The following DNAH2 variants were observed in gnomAD, a reference collection of about 807,000 sequenced individuals.
DNAH2 encodes dynein axonemal heavy chain 2, also known as axonemal beta dynein heavy chain 2.
DNAH2 carries 323 observed loss-of-function variants against 523.5 expected under a neutral mutation model. The observed-to-expected ratio is 0.62, with a 90% CI of 0.56 to 0.68. The LOEUF (loss-of-function observed/expected upper bound fraction) is 0.68, where lower values mean the gene tolerates loss of function less well. Among genes scored for constraint, DNAH2 ranks in the 30% least tolerant of loss-of-function variants. DNAH2 has a pLI of 0.00. For synonymous variants in DNAH2, 2,093 were observed against 2,177.4 expected (o/e 0.96, Z 1.08); for missense variants, 4,907 against 5,701.5 (o/e 0.86, Z 4.49).
rs772590554 is a variant in DNAH2, at chr17:7,765,494, C to T, written c.3440C>T (p.Thr1147Ile). The T allele has an allele frequency of 6.2e-7, 1 of 1,614,256 alleles. No homozygotes were observed. Among genetic ancestry groups the T allele is most frequent in the Non-Finnish European group, 8.5e-7 (1 of 1,180,052 alleles). Residue 1147 changes from threonine (T) to isoleucine (I), a missense_variant, in exon 21 of 86, where the codon ACA becomes ATA. Coordinates refer to ENST00000572933, the MANE Select transcript of DNAH2 (RefSeq NM_020877.5). The stretch of plus-strand genomic sequence containing the variant: ...AAGAAACACAAGGAGAAATTCAAGA[C>T]AGGCCTGATCCACTCGGCAGATGAC... ...MLKKHKEKFK[T>I]GLIHSADDFK... is the part of the protein sequence containing the mutation.
intron 32 of DNAH2, 75 bp downstream of exon 32, chr17:7,776,964 G>T: frequency 3.1e-6 from 4 of 1,270,406 alleles, no homozygotes; most frequent in Non-Finnish European, 4.5e-6. Context: ...GAGCCCACTC[G>T]CTTGAGCCCA....
intron 74 of DNAH2, 79 bp from the exon 75 acceptor site, chr17:7,823,755 C>T (rs546833724): frequency 5.4e-5 from 86 of 1,583,262 alleles, no homozygotes; most frequent in Non-Finnish European, 6.5e-5. Context: ...AGCACATTCC[C>T]GGCAGGTGCC....
In DNAH2 at chr17:7,832,869, C is replaced by T. The variant is rs755095691; in HGVS notation, c.12919C>T (p.Leu4307Phe). The T allele has an allele frequency of 6.2e-7, 1 of 1,614,118 alleles. No homozygotes were observed. ...ARQNNVSVDS[L>F]SWEFIVSTVD... ...CAACCCCCAGGTTTCAGTGGACAGCCTCTCCTGGGAGTTTATCGTTTCCAC... is the reference window on the plus strand; with the variant it reads ...CAACCCCCAGGTTTCAGTGGACAGCTTCTCCTGGGAGTTTATCGTTTCCAC... Residue 4307 changes from leucine (L) to phenylalanine (F), a missense_variant, in exon 84 of 86, where the codon CTC becomes TTC. Coordinates refer to ENST00000572933, the MANE Select transcript of DNAH2 (RefSeq NM_020877.5). This position sits in a 1 kb window ranked among gnomAD's most constrained non-coding sequence, Gnocchi z 4.3.
chr17:7,780,943 G>C lies in DNAH2; in HGVS notation c.6004-99G>C. ...CCGCTGCTTTGCTAATGGCTAACTG[G>C]TGTATCCATTGTTCTTGGCACGTGC... On this transcript the variant is annotated intron_variant, in intron 38 of 85. Transcript: ENST00000572933. This position sits in a 1 kb window ranked among gnomAD's most constrained non-coding sequence, Gnocchi z 4.4. 3 of 1,591,334 alleles carry C rather than the reference G, an allele frequency of 1.9e-6. No homozygotes were observed. Among genetic ancestry groups the C allele is most frequent in the Non-Finnish European group, 2.6e-6 (3 of 1,165,502 alleles).
intron 12 of DNAH2, among the ~76,000 whole-genome samples, chr17:7,755,503 CT>C (rs1009047352): frequency 1.3e-5 from 2 of 151,890 alleles, no homozygotes; most frequent in African/African-American, 4.8e-5. Flanking sequence ...ATACCAAGGT[CT>C]GTGGAGGAGG....
intron 2 of DNAH2, among the ~76,000 whole-genome samples, chr17:7,722,964 CTTTTTTTTTTTTT>C (rs559136734): frequency 8.7e-6 from 1 of 114,698 alleles, no homozygotes; most frequent in Non-Finnish European, 1.7e-5. Flanking sequence ...CTTTTCTTTC[CTTTTTTTTTTTTT>C]TTTTTTTTTG....
At chr17:7,817,136 A>G (rs112158977) in intron 64 of DNAH2, among the ~76,000 whole-genome samples, 154 bp from the exon 65 acceptor site, 36 of 152,322 alleles carry the variant, frequency 2.4e-4, no homozygotes, top group African/African-American at 8.7e-4. Flanking sequence ...AGTAATTAGA[A>G]CCAGGCTAGA....
Position 7,830,795 on chromosome 17 carries a change from C to T in DNAH2, c.12183C>T (p.Tyr4061=). The change falls in exon 79 of 86, where the codon TAC becomes TAT. Residue 4061 remains tyrosine (Y), a synonymous_variant. Transcript: ENST00000572933. ...GGGACCGGCGCCTGCTGACCACCTA[C>T]ATCAATGATTATTTCTGTGACCAGT... is the stretch of plus-strand genomic sequence containing the variant. ...DDWDRRLLTT[Y]INDYFCDQSL... The T allele has an allele frequency of 6.2e-7, 1 of 1,614,122 alleles. No individual in the cohort carries two copies. The highest frequency in any genetic ancestry group is 8.5e-7 in the Non-Finnish European group (1 of 1,180,046).
intron 3 of DNAH2, among the ~76,000 whole-genome samples, chr17:7,726,350 C>T (rs2074810649): frequency 6.7e-6 from 1 of 149,672 alleles, no homozygotes; most frequent in African/African-American, 2.5e-5. Context: ...GTTACCCAGG[C>T]TGGAGTGCAG....
intron 5 of DNAH2, 70 bp from the exon 6 acceptor site, chr17:7,734,113 A>G (rs2075070910): frequency 2.2e-6 from 3 of 1,372,998 alleles, no homozygotes; most frequent in East Asian, 5.0e-5. Flanking sequence ...CCGATCATCA[A>G]CCGTGATTCC....
intron 60 of DNAH2, 84 bp from the exon 61 acceptor site, chr17:7,805,168 A>G: frequency 6.3e-7 from 1 of 1,595,146 alleles, no homozygotes; most frequent in South Asian, 1.1e-5. Flanking sequence ...ACTCTGGGGA[A>G]GTGGGAAGAA....
At chr17:7,804,880 A>G in intron 59 of DNAH2, 78 bp from the exon 60 acceptor site, 5 of 1,289,074 alleles carry the variant, frequency 3.9e-6, no homozygotes, top group South Asian at 2.6e-5. Context: ...TTTCTCTTTC[A>G]TCTTTTCCAC....
At position 7,818,748 on chromosome 17, in the gene DNAH2, C is replaced by T; in HGVS notation, c.10642C>T (p.Leu3548Phe). ...CAACATCGCGGCTGGTAAAAGGAAG[C>T]TCAAGGAGCTGGAGGATGAGATCCT... The part of the protein sequence containing the change: ...VINIAAGKRK[L>F]KELEDEILRL... Residue 3548 changes from leucine to phenylalanine, a missense_variant, in exon 70 of 86, where the codon CTC (leucine) becomes TTC (phenylalanine). Leu to Phe is a conservative substitution (Grantham distance 22). This residue lies in a region of DNAH2 where 1,851 missense variants were observed against 2,139.4 expected (regional missense o/e 0.87). Coordinates refer to ENST00000572933, the MANE Select transcript of DNAH2 (RefSeq NM_020877.5). The T allele has an allele frequency of 6.2e-7, 1 of 1,614,048 alleles. No homozygotes were observed. Among genetic ancestry groups the T allele is most frequent in the Non-Finnish European group, 8.5e-7 (1 of 1,179,996 alleles).
At chr17:7,756,865 T>C (rs1447521104) in intron 12 of DNAH2, among the ~76,000 whole-genome samples, 1 of 151,492 alleles carries the variant, frequency 6.6e-6, no homozygotes, top group African/African-American at 2.4e-5. Context: ...GAGATGGGAT[T>C]CCCCCGTGTT....
rs1354243655 is a variant in DNAH2 at position 7,786,336 on chromosome 17, T to A, written c.6342T>A (p.Ile2114=). The A allele has an allele frequency of 4.3e-6, 7 of 1,611,768 alleles. No individual in the cohort carries two copies. Among genetic ancestry groups the A allele is most frequent in the Non-Finnish European group, 5.1e-6 (6 of 1,179,922 alleles). The change falls in exon 40 of 86, where the codon ATT becomes ATA. Residue 2114 remains isoleucine, a synonymous_variant. Transcript: ENST00000572933. This position sits in a 1 kb window ranked among gnomAD's most constrained non-coding sequence, Gnocchi z 7.5. ...LCRAGDPNFN[I]VREFPLNPKA... is the part of the protein sequence containing the mutation. ...GCGCCGGAGACCCTAACTTCAACATTGTTAGAGTACGGGGCTGGGACAGTG... is the reference window on the plus strand; with the variant it reads ...GCGCCGGAGACCCTAACTTCAACATAGTTAGAGTACGGGGCTGGGACAGTG...
chr17:7,780,140 G>GTGGCA lies in DNAH2; in HGVS notation c.5723-15_5723-11dup. ...TGAGGAAATATATGATTCTAAGCAAGTGGCATTGTTTTCCAGGCTATGCTG... is the reference window on the plus strand; with the variant it reads ...TGAGGAAATATATGATTCTAAGCAAGTGGCATGGCATTGTTTTCCAGGCTATGCTG... On this transcript the variant is annotated splice_polypyrimidine_tract_variant and intron_variant, in intron 36 of 85. Transcript: ENST00000572933. The surrounding 1 kb of genome is among the most constrained non-coding windows in gnomAD (Gnocchi z 4.4). The GTGGCA allele has an allele frequency of 6.2e-7, 1 of 1,601,710 alleles. No individual in the cohort carries two copies. The highest frequency in any genetic ancestry group is 8.5e-7 in the Non-Finnish European group (1 of 1,175,028).
Position 7,733,475 on chromosome 17 carries a change from C to CTTTTTTTTTTTTTTTTTTTT in DNAH2, c.628+161_628+180dup. On this transcript the variant is annotated intron_variant, in intron 5 of 85. Coordinates refer to ENST00000572933, the MANE Select transcript of DNAH2 (RefSeq NM_020877.5). ...AGGGTACAAGATCCGCCTTCTTCTTCTTTTTTTTTTTTTTTTTTTTGAGAT... is the reference window on the plus strand; with the variant it reads ...AGGGTACAAGATCCGCCTTCTTCTTCTTTTTTTTTTTTTTTTTTTTTTTTTTTTTTTTTTTTTTTTGAGAT... Among the ~76,000 whole-genome samples, 73 of 113,854 alleles carry CTTTTTTTTTTTTTTTTTTTT rather than the reference C, an allele frequency of 6.4e-4. 3 individuals are homozygous for CTTTTTTTTTTTTTTTTTTTT. The highest frequency in any genetic ancestry group is 1.0e-3 in the African/African-American group (31 of 30,906). The allele number at this position is 113,854 out of a possible 152,430, so 74.7% of individuals were successfully genotyped here.
intron 63 of DNAH2, among the ~76,000 whole-genome samples, chr17:7,811,445 A>G (rs990139112): frequency 2.6e-5 from 4 of 152,122 alleles, no homozygotes; most frequent in African/African-American, 9.7e-5. Context: ...ATCCTCCCCA[A>G]CTTCCTGTTC....
intron 15 of DNAH2, 127 bp from the exon 16 acceptor site, chr17:7,759,295 C>A: frequency 7.0e-7 from 1 of 1,426,904 alleles, no homozygotes; most frequent in Non-Finnish European, 9.4e-7. Context: ...ACCTCTTCCT[C>A]CAGGACTCAG....
Sources: gnomAD v4.1 joint callset for allele counts (sites outside exome capture counted in the v4.1 genomes callset) on GRCh38, gnomAD v4.1.1 for gene constraint, gnomAD v4.1.1 regional missense constraint, Gnocchi (gnomAD v3.1) non-coding constraint, MANE v1.5 for transcripts, NCBI Gene and HGNC (gene_info 2026-07-23, HGNC 2026-07-21) for gene names.